The following SLC16A12 variants were observed in gnomAD, a reference collection of about 807,000 sequenced individuals.
The protein encoded by SLC16A12 is solute carrier family 16 member 12.
In SLC16A12, 17 loss-of-function variants were observed where a neutral mutation model predicts 42.4. The observed-to-expected ratio is 0.40, with a 90% CI of 0.27 to 0.60. The LOEUF is 0.60. Ranked by LOEUF, SLC16A12 falls within the 20% of genes least tolerant of loss-of-function variation. SLC16A12 has a pLI of 0.42. For missense variants in SLC16A12, 544 were observed against 623.0 expected (o/e 0.87, Z 1.35); for synonymous variants, 224 against 229.4 (o/e 0.98, Z 0.21).
chr10:89,481,628 ACT>A (rs1842661942), intron 2 of SLC16A12, among the ~76,000 whole-genome samples: 2 of 148,268 alleles, frequency 1.3e-5, no homozygotes, highest in African/African-American at 5.0e-5. Flanking sequence ...TCTAATTGAC[ACT>A]GTTTTTTTTT....
intron 2 of SLC16A12, among the ~76,000 whole-genome samples, chr10:89,497,894 A>T (rs1233093553): frequency 6.6e-6 from 1 of 152,204 alleles, no homozygotes. Flanking sequence ...CAATATCTTA[A>T]ATCATAAGGG....
chr10:89,549,807 G>C (rs1843760320), intron 2 of SLC16A12, among the ~76,000 whole-genome samples: 2 of 152,124 alleles, frequency 1.3e-5, no homozygotes, highest in Admixed American at 1.3e-4. Context: ...AGCCAGCATT[G>C]TAACAAGCTT....
intron 2 of SLC16A12, among the ~76,000 whole-genome samples, chr10:89,530,931 T>C (rs1321591764): frequency 1.3e-5 from 2 of 152,192 alleles, no homozygotes; most frequent in Non-Finnish European, 2.9e-5. Context: ...ATGTGGTCTT[T>C]GTATCTGGCT....
chr10:89,507,433 G>T (rs1589714544), intron 2 of SLC16A12, among the ~76,000 whole-genome samples: 1 of 152,190 alleles, frequency 6.6e-6, no homozygotes, highest in Non-Finnish European at 1.5e-5. Context: ...CATTCTTAAA[G>T]AAAAGAATTT....
intron 2 of SLC16A12, among the ~76,000 whole-genome samples, chr10:89,548,877 A>G (rs1843755349): frequency 6.6e-6 from 1 of 152,198 alleles, no homozygotes; most frequent in African/African-American, 2.4e-5. Context: ...GGAATTGCAC[A>G]AGTGTGATAT....
chr10:89,530,389 A>G (rs1843524689), intron 2 of SLC16A12, among the ~76,000 whole-genome samples: 1 of 151,486 alleles, frequency 6.6e-6, no homozygotes, highest in South Asian at 2.1e-4. Flanking sequence ...CTATTTTAAT[A>G]CTTTTAAAAT....
chr10:89,443,901 A>C, intron 3 of SLC16A12, 42 bp from the exon 4 acceptor site: 1 of 1,278,598 alleles, frequency 7.8e-7, no homozygotes, highest in Non-Finnish European at 1.1e-6. Flanking sequence ...AAAATGAATG[A>C]GCATGCATTT....
intron 2 of SLC16A12, among the ~76,000 whole-genome samples, chr10:89,543,449 G>A (rs1843727122): frequency 6.6e-6 from 1 of 152,132 alleles, no homozygotes; most frequent in Non-Finnish European, 1.5e-5. Context: ...TAATAACTCA[G>A]AACTTCATTT....
chr10:89,504,040 T>G (rs1336900669), intron 2 of SLC16A12, among the ~76,000 whole-genome samples: 1 of 152,240 alleles, frequency 6.6e-6, no homozygotes, highest in Non-Finnish European at 1.5e-5. Context: ...TTTACTCTTG[T>G]GCCTCCCCAA....
chr10:89,525,160 G>A (rs939431278), intron 2 of SLC16A12, among the ~76,000 whole-genome samples: 6 of 145,154 alleles, frequency 4.1e-5, no homozygotes, highest in Admixed American at 1.4e-4. Flanking sequence ...GGCAGAAGTT[G>A]CCGTGGGCCG....
chr10:89,537,070 C>G (rs1212810281), upstream of SLC16A12, among the ~76,000 whole-genome samples: 1 of 151,608 alleles, frequency 6.6e-6, no homozygotes, highest in Non-Finnish European at 1.5e-5. Context: ...AACTCCTGAC[C>G]TCATGATCTG....
Position 89,432,947 on chromosome 10 carries a change from A to G in SLC16A12, c.*117T>C, listed in dbSNP as rs1841715562. On this transcript the variant is annotated 3_prime_UTR_variant, in exon 8 of 8. Transcript: ENST00000371790. ...AATATTAATATGTTAACAAAACAAT[A>G]ATAATAATTTCCTTGGAAGGCAATC... is the stretch of plus-strand genomic sequence containing the variant. 1 of 1,343,798 alleles carries G rather than the reference A, an allele frequency of 7.4e-7. No individual in the cohort carries two copies. The highest frequency in any genetic ancestry group is 2.5e-5 in the Admixed American group (1 of 40,552). The allele number at this position is 1,343,798 out of a possible 1,614,324, so 83.2% of individuals were successfully genotyped here.
In SLC16A12 at chr10:89,535,480, A is replaced by C. The variant is rs1307266615; in HGVS notation, c.-225T>G. 1 of 152,316 alleles carries C rather than the reference A, an allele frequency of 6.6e-6. No individual in the cohort carries two copies. The highest frequency in any genetic ancestry group is 2.4e-5 in the African/African-American group (1 of 41,342). 9.4% of individuals were successfully genotyped at this position (152,316 alleles called of 1,614,324 possible). The stretch of plus-strand genomic sequence containing the variant: ...CCCTCTGCACAACCGTGTCAGGGAG[A>C]GGGAAGAGGGGGAGCCGAGGAAGCT... On this transcript the variant is annotated 5_prime_UTR_variant, in exon 1 of 8. Coordinates refer to ENST00000371790, the MANE Select transcript of SLC16A12 (RefSeq NM_213606.4).
At chr10:89,488,723 G>A (rs1842802041) in intron 2 of SLC16A12, among the ~76,000 whole-genome samples, 1 of 152,166 alleles carries the variant, frequency 6.6e-6, no homozygotes, top group African/African-American at 2.4e-5. Flanking sequence ...GATTCCCGAA[G>A]GACCAACCCC....
chr10:89,555,550 C>A lies in SLC16A12; in HGVS notation c.-47+332G>T, dbSNP rs558174626. ...GTATATATACGTATGTATGTATATA[C>A]GTATATATACATATACGTATATGTA... On this transcript the variant is annotated intron_variant, in intron 2 of 2. Transcript: ENST00000475682. Among the ~76,000 whole-genome samples the A allele has an allele frequency of 1.3e-4, 14 of 107,604 alleles. No homozygotes were observed. The Admixed American group carries it at 1.4e-3, about 11-fold the overall frequency. The allele number at this position is 107,604 out of a possible 152,430, so 70.6% of individuals were successfully genotyped here. A position where few individuals can be genotyped will look rare whatever the true frequency, so the allele number is the denominator to read the frequency against.
At chr10:89,449,868 C>A (rs11203130) in intron 3 of SLC16A12, among the ~76,000 whole-genome samples, 2 of 152,136 alleles carry the variant, frequency 1.3e-5, no homozygotes, top group African/African-American at 4.8e-5. Context: ...ATCTGACAAA[C>A]GGCTAATATC....
intron 2 of SLC16A12, among the ~76,000 whole-genome samples, chr10:89,555,698 C>CATATAT (rs57404736): frequency 6.4e-5 from 8 of 124,658 alleles, no homozygotes; most frequent in African/African-American, 2.4e-4. Flanking sequence ...CACATATATA[C>CATATAT]ATATATATAT....
intron 2 of SLC16A12, among the ~76,000 whole-genome samples, chr10:89,519,885 C>T (rs995784961): frequency 1.8e-4 from 28 of 152,118 alleles, no homozygotes; most frequent in Admixed American, 1.4e-3. Context: ...GAGGCTGAGG[C>T]GGGCAGATCA....
At chr10:89,506,539 A>C (rs1372231517) in intron 2 of SLC16A12, among the ~76,000 whole-genome samples, 2 of 152,184 alleles carry the variant, frequency 1.3e-5, no homozygotes, top group Non-Finnish European at 2.9e-5. Context: ...CATCAATAAA[A>C]AGGACATCCA....
Sources: gnomAD v4.1 joint callset for allele counts (sites outside exome capture counted in the v4.1 genomes callset) on GRCh38, gnomAD v4.1.1 for gene constraint, MANE v1.5 for transcripts, NCBI Gene and HGNC (gene_info 2026-07-23, HGNC 2026-07-21) for gene names.